Variants in URB1 observed in about 807,000 individuals in gnomAD.
URB1 encodes URB1 ribosome biogenesis factor.
URB1 carries 197 observed loss-of-function variants against 242.3 expected under a neutral mutation model. The ratio of observed to expected loss-of-function variants is 0.81; its 90% CI spans 0.72 to 0.91. The LOEUF is 0.91. Ranked by LOEUF, URB1 falls within the 40% of genes least tolerant of loss-of-function variation. URB1 has a pLI of 0.00. For missense variants in URB1, 2,721 were observed against 2,860.5 expected (o/e 0.95, Z 1.11); for synonymous variants, 1,153 against 1,201.8 (o/e 0.96, Z 0.84).
At chr21:32,326,708 A>C (rs8128373) in intron 30 of URB1, among the ~76,000 whole-genome samples, 1,811 of 152,270 alleles carry the variant, frequency 0.012, 33 homozygotes, top group African/African-American at 0.041. Flanking sequence ...GGCATGTAAG[A>C]TGTGCCTGCT....
At chr21:32,361,188 A>AAAGAAAGAAAGAAAGAAAGAAAGG (rs1160878405) in intron 12 of URB1, 65 bp from the exon 13 acceptor site, 2 of 888,708 alleles carry the variant, frequency 2.3e-6, no homozygotes, top group Admixed American at 6.0e-5. Context: ...AGAAAGAAAG[A>AAAGAAAGAAAGAAAGAAAGAAAGG]AAGAAAGAAA....
chr21:32,349,216 G>A (rs2123581707), intron 21 of URB1, 88 bp downstream of exon 21: 16 of 1,414,244 alleles, frequency 1.1e-5, no homozygotes, highest in Non-Finnish European at 1.5e-5. Flanking sequence ...TTCCCACAAT[G>A]GACCTATGTT....
chr21:32,357,761 C>T, intron 14 of URB1, 105 bp from the exon 15 acceptor site: 1 of 929,632 alleles, frequency 1.1e-6, no homozygotes, highest in Admixed American at 4.5e-5. Context: ...GGCGTGGTGG[C>T]TTACACCTGT....
rs908251931 is a variant in URB1 at position 32,345,615 on chromosome 21, G to A, written c.3869-40C>T. On this transcript the variant is annotated intron_variant, in intron 22 of 38. Transcript: ENST00000382751. The stretch of plus-strand genomic sequence containing the variant: ...CAAAGGAGAAGTCATCACACCCAAT[G>A]GTGGGCTGCAGCCAGCTTGGACCAG... The A allele has an allele frequency of 2.0e-6, 3 of 1,497,498 alleles. No individual in the cohort carries two copies. The African/African-American group carries it at 4.2e-5, about 21-fold the overall frequency. 92.8% of individuals were successfully genotyped at this position (1,497,498 alleles called of 1,614,324 possible).
At chr21:32,321,106 T>C (rs988824597) in intron 34 of URB1, among the ~76,000 whole-genome samples, 7 of 152,362 alleles carry the variant, frequency 4.6e-5, no homozygotes, top group Middle Eastern at 3.4e-3. Flanking sequence ...TCACATGCCA[T>C]AGAAAACAAA....
intron 4 of URB1, among the ~76,000 whole-genome samples, chr21:32,379,674 T>C (rs1287943441): frequency 1.3e-5 from 2 of 152,008 alleles, no homozygotes; most frequent in Non-Finnish European, 2.9e-5. Context: ...CCACACCCAT[T>C]TTACAGATGA....
chr21:32,361,819 C>T, intron 12 of URB1, 73 bp downstream of exon 12: 1 of 1,498,326 alleles, frequency 6.7e-7, no homozygotes. Flanking sequence ...TGGATAGGAG[C>T]TATCCTAGGC....
intron 9 of URB1, among the ~76,000 whole-genome samples, chr21:32,367,124 A>G (rs771489724): frequency 7.2e-5 from 11 of 152,232 alleles, no homozygotes; most frequent in Non-Finnish European, 1.5e-4. Flanking sequence ...TCAAGAAGCC[A>G]TCTTCTCAAA....
chr21:32,372,138 C>T (rs756016802), intron 8 of URB1, among the ~76,000 whole-genome samples: 1 of 152,184 alleles, frequency 6.6e-6, no homozygotes, highest in Non-Finnish European at 1.5e-5. Flanking sequence ...GCAAAGCTGG[C>T]ATAACAATGG....
At chr21:32,390,691 G>A (rs1201401307) in intron 1 of URB1, among the ~76,000 whole-genome samples, 1 of 152,144 alleles carries the variant, frequency 6.6e-6, no homozygotes, top group African/African-American at 2.4e-5. Flanking sequence ...CAATTAGAAT[G>A]GCGATCATTA....
chr21:32,340,861 AGGACT>A (rs900478384), intron 25 of URB1, among the ~76,000 whole-genome samples: 1 of 152,202 alleles, frequency 6.6e-6, no homozygotes, highest in Non-Finnish European at 1.5e-5. Context: ...TTGTCAGTAG[AGGACT>A]GGCTAAGTAA....
intron 5 of URB1, among the ~76,000 whole-genome samples, chr21:32,378,227 A>C (rs566209527): frequency 6.6e-6 from 1 of 152,206 alleles, no homozygotes; most frequent in Non-Finnish European, 1.5e-5. Flanking sequence ...TCCAGACGGC[A>C]TAACAGGAAC....
intron 29 of URB1, 112 bp downstream of exon 29, chr21:32,334,051 A>C: frequency 7.6e-7 from 1 of 1,313,288 alleles, no homozygotes; most frequent in African/African-American, 1.5e-5. Context: ...ATATGATAAG[A>C]TTCTTACTTA....
At chr21:32,357,001 C>A (rs1466194929) in intron 15 of URB1, among the ~76,000 whole-genome samples, 1 of 152,210 alleles carries the variant, frequency 6.6e-6, no homozygotes, top group Admixed American at 6.5e-5. Context: ...AACCTCTGTA[C>A]CCTAAACATA....
chr21:32,334,321 C>T lies in URB1; in HGVS notation c.4699G>A (p.Gly1567Ser). 2 of 1,549,250 alleles carry T rather than the reference C, an allele frequency of 1.3e-6. No homozygotes were observed. The highest frequency in any genetic ancestry group is 1.7e-4 in the Middle Eastern group (1 of 5,978). ...SLINFRVLLW[G>S]PAAVEHHKTC... ...TTGTGATGCTCCACGGCCGCTGGGC[C>T]CCACAGCAGCACCCTAGAGCCAGAA... The change falls in exon 29 of 39, where the codon GGC becomes AGC. Residue 1567 changes from glycine (G) to serine (S), a missense_variant. Gly to Ser is a moderately conservative substitution (Grantham distance 56, BLOSUM62 0). Transcript: ENST00000382751.
At position 32,338,722 on chromosome 21, in the gene URB1, C is replaced by T. The variant is rs754126391; in HGVS notation, c.4495G>A (p.Asp1499Asn). 1 of 1,551,284 alleles carries T rather than the reference C, an allele frequency of 6.4e-7. No individual in the cohort carries two copies. The change falls in exon 26 of 39, where the codon GAC becomes AAC. Residue 1499 changes from aspartate to asparagine, a missense_variant. Coordinates refer to ENST00000382751, the MANE Select transcript of URB1 (RefSeq NM_014825.3). ...GAGGGGTCACCTTTTACTTGGCTGT[C>T]CGGGCTCTCCTCTCCGTCAGACGTC... ...LLTSDGEESP[D>N]SQVKEALVDL... is the part of the protein sequence containing the mutation.
At chr21:32,383,618 C>T in intron 3 of URB1, 64 bp from the exon 4 acceptor site, 1 of 1,446,448 alleles carries the variant, frequency 6.9e-7, no homozygotes, top group Non-Finnish European at 9.1e-7. Context: ...GCCGCCTCAC[C>T]ACAAAGCCAG....
Position 32,312,329 on chromosome 21 carries a change from T to C in URB1, c.*2589A>G. On this transcript the variant is annotated 3_prime_UTR_variant, in exon 39 of 39. Transcript: ENST00000382751. Reference sequence around the variant, plus strand: ...TAATCTTTACTATGCCACTTTACCATTACTGTGTAATGCGTTATCAGCCCT... The same window carrying C: ...TAATCTTTACTATGCCACTTTACCACTACTGTGTAATGCGTTATCAGCCCT... 2.4e-6 allele frequency: 3 copies of C among 1,255,274 alleles called. No individual in the cohort carries two copies. Among genetic ancestry groups the C allele is most frequent in the Non-Finnish European group, 2.0e-6 (2 of 986,382 alleles). 77.8% of individuals were successfully genotyped at this position (1,255,274 alleles called of 1,614,324 possible).
Position 32,347,721 on chromosome 21 carries a change from T to A in URB1, c.3103A>T (p.Thr1035Ser). 6.4e-7 allele frequency: 1 copy of A among 1,550,726 alleles called. No homozygotes were observed. Among genetic ancestry groups the A allele is most frequent in the South Asian group, 1.2e-5 (1 of 84,052 alleles). The change falls in exon 22 of 39, where the codon ACG (threonine) becomes TCG (serine). Residue 1035 changes from threonine to serine, a missense_variant. Thr to Ser is a moderately conservative substitution (Grantham distance 58). Transcript: ENST00000382751. Reference sequence around the variant, plus strand: ...AGCTTCACGAGGACAGGGCTGAGCGTGTGCGGCGGGAGGGCCTGCTGCTCC... The same window carrying A: ...AGCTTCACGAGGACAGGGCTGAGCGAGTGCGGCGGGAGGGCCTGCTGCTCC... Reference protein sequence around the residue: ...ALEQQALPPHTLSPVLVKLLA... With the variant: ...ALEQQALPPHSLSPVLVKLLA...
Sources: gnomAD v4.1 joint callset for allele counts (sites outside exome capture counted in the v4.1 genomes callset) on GRCh38, gnomAD v4.1.1 for gene constraint, MANE v1.5 for transcripts, NCBI Gene and HGNC (gene_info 2026-07-23, HGNC 2026-07-21) for gene names.